DACH1: variants seen among roughly 807,000 people sequenced by gnomAD.
DACH1 encodes dachshund homolog 1.
A neutral mutation model predicts 54.2 loss-of-function variants in DACH1; 12 were observed. That is an observed-to-expected ratio of 0.22 (90% CI 0.14 to 0.36). The LOEUF (loss-of-function observed/expected upper bound fraction) is 0.36, where lower values mean the gene tolerates loss of function less well. DACH1 is among the 10% of genes least tolerant of loss of function. The pLI, the probability that DACH1 is intolerant of heterozygous loss-of-function variation, is 1.00. For synonymous variants in DACH1, 386 were observed against 366.2 expected (o/e 1.05, Z -0.62); for missense variants, 805 against 929.8 (o/e 0.87, Z 1.75).
At chr13:71,809,805 C>G (rs180824651) in intron 1 of DACH1, among the ~76,000 whole-genome samples, 68 of 152,170 alleles carry the variant, frequency 4.5e-4, no homozygotes, top group African/African-American at 1.6e-3. Context: ...ATAATATAAT[C>G]AAAAATTAAC....
chr13:71,774,190 A>G lies in DACH1; in HGVS notation c.848+91732T>C, dbSNP rs1285707646. On this transcript the variant is annotated intron_variant, in intron 1 of 10. Transcript: ENST00000613252. ...AGTCAACTACAAATTGGTATACACA[A>G]CTAGAATGCATACACCTAAAGTTCC... Among the ~76,000 whole-genome samples the G allele has an allele frequency of 3.9e-5, 6 of 152,194 alleles. No individual in the cohort carries two copies. The East Asian group carries it at 1.2e-3, about 29-fold the overall frequency.
chr13:71,690,710 T>A (rs1881435807), intron 1 of DACH1, among the ~76,000 whole-genome samples: 1 of 152,148 alleles, frequency 6.6e-6, no homozygotes, highest in South Asian at 2.1e-4. Context: ...GGCAGGAGGA[T>A]TGCTTGAGCC....
chr13:71,807,584 C>T (rs753586258), intron 1 of DACH1, among the ~76,000 whole-genome samples: 1 of 151,994 alleles, frequency 6.6e-6, no homozygotes, highest in Non-Finnish European at 1.5e-5. Flanking sequence ...TTCCAAAAAA[C>T]AAATTAAGTT....
chr13:71,643,613 T>C (rs1878060338), intron 2 of DACH1, among the ~76,000 whole-genome samples: 1 of 152,176 alleles, frequency 6.6e-6, no homozygotes, highest in Non-Finnish European at 1.5e-5. Flanking sequence ...AGGTTTAATT[T>C]TGTGAAGTAT....
chr13:71,663,925 G>C (rs560847571), intron 2 of DACH1, among the ~76,000 whole-genome samples: 1 of 151,852 alleles, frequency 6.6e-6, no homozygotes, highest in Admixed American at 6.6e-5. Flanking sequence ...ACAGATTTAA[G>C]TGAATCACCT....
At chr13:71,769,001 T>C (rs1274280678) in intron 1 of DACH1, among the ~76,000 whole-genome samples, 3 of 151,870 alleles carry the variant, frequency 2.0e-5, no homozygotes, top group Non-Finnish European at 4.4e-5. Flanking sequence ...TTAGTTTCTA[T>C]GACAACCTGT....
intron 1 of DACH1, among the ~76,000 whole-genome samples, chr13:71,728,349 C>T (rs907490331): frequency 6.6e-6 from 1 of 151,896 alleles, no homozygotes; most frequent in African/African-American, 2.4e-5. Context: ...AAATTAAAAC[C>T]TTAACATCTC....
At chr13:71,791,240 A>G (rs530002959) in intron 1 of DACH1, among the ~76,000 whole-genome samples, 1 of 152,204 alleles carries the variant, frequency 6.6e-6, no homozygotes, top group Admixed American at 6.5e-5. Context: ...AATATAACCC[A>G]TTTGCTCTTT....
At chr13:71,607,372 G>C (rs995309101) in intron 3 of DACH1, among the ~76,000 whole-genome samples, 2 of 151,838 alleles carry the variant, frequency 1.3e-5, no homozygotes, top group African/African-American at 4.8e-5. Context: ...TCTCAATAAA[G>C]ACAGTTAGAT....
At chr13:71,475,060 T>C (rs1268682598) in intron 10 of DACH1, 81 bp downstream of exon 10, 1 of 1,278,516 alleles carries the variant, frequency 7.8e-7, no homozygotes, top group Non-Finnish European at 1.1e-6. Flanking sequence ...GATGGTAGGC[T>C]ACATGCTTGA....
At chr13:71,747,397 G>A (rs905099087) in intron 1 of DACH1, among the ~76,000 whole-genome samples, 1 of 152,108 alleles carries the variant, frequency 6.6e-6, no homozygotes, top group Admixed American at 6.6e-5. Context: ...TGGCCAACAC[G>A]GTGAAGCCCT....
Position 71,440,445 on chromosome 13 carries a change from AT to A in DACH1, c.*209del. On this transcript the variant is annotated 3_prime_UTR_variant, in exon 11 of 11. Coordinates refer to ENST00000613252, the MANE Select transcript of DACH1 (RefSeq NM_080759.6). Reference sequence around the variant, plus strand: ...CTTTGATACTTGTACATTTACAAACATTCTCAGGTCTCTGGTATGAACCACA... The same window carrying A: ...CTTTGATACTTGTACATTTACAAACATCTCAGGTCTCTGGTATGAACCACA... 2.1e-6 allele frequency: 1 copy of A among 486,014 alleles called. No individual in the cohort carries two copies. Among genetic ancestry groups the A allele is most frequent in the Non-Finnish European group, 3.6e-6 (1 of 277,486 alleles). 30.1% of individuals were successfully genotyped at this position (486,014 alleles called of 1,614,324 possible). A position where few individuals can be genotyped will look rare whatever the true frequency, so the allele number is the denominator to read the frequency against.
intron 2 of DACH1, among the ~76,000 whole-genome samples, chr13:71,634,395 C>T (rs976348580): frequency 2.0e-5 from 3 of 152,106 alleles, no homozygotes; most frequent in South Asian, 2.1e-4. Flanking sequence ...CCTGCTCCTC[C>T]GGCTCCCCCT....
intron 1 of DACH1, among the ~76,000 whole-genome samples, chr13:71,849,883 T>C (rs886676971): frequency 6.6e-6 from 1 of 152,256 alleles, no homozygotes; most frequent in African/African-American, 2.4e-5. Context: ...AAATGACTTG[T>C]ATTACTTTGT....
At chr13:71,740,180 A>G (rs1412551571) in intron 1 of DACH1, among the ~76,000 whole-genome samples, 2 of 152,212 alleles carry the variant, frequency 1.3e-5, no homozygotes, top group Non-Finnish European at 2.9e-5. Flanking sequence ...TATTTTCTCA[A>G]GACTGATGAA....
intron 1 of DACH1, among the ~76,000 whole-genome samples, chr13:71,725,669 A>C (rs1430715963): frequency 6.6e-6 from 1 of 152,148 alleles, no homozygotes; most frequent in Non-Finnish European, 1.5e-5. Flanking sequence ...AATTGATAAT[A>C]TCTATTAGAG....
intron 3 of DACH1, among the ~76,000 whole-genome samples, 166 bp downstream of exon 3, chr13:71,630,390 T>C (rs1877000272): frequency 6.6e-6 from 1 of 152,188 alleles, no homozygotes; most frequent in African/African-American, 2.4e-5. Flanking sequence ...TGAACAATTA[T>C]CATTAGTTGT....
chr13:71,840,977 G>A (rs1004134238), intron 1 of DACH1, among the ~76,000 whole-genome samples: 1 of 152,102 alleles, frequency 6.6e-6, no homozygotes, highest in African/African-American at 2.4e-5. Context: ...TGATACAGTT[G>A]TTTTACCAGC....
At chr13:71,828,777 C>T (rs1472257474) in intron 1 of DACH1, among the ~76,000 whole-genome samples, 5 of 151,938 alleles carry the variant, frequency 3.3e-5, no homozygotes, top group Non-Finnish European at 7.4e-5. Flanking sequence ...ACCCACTCTT[C>T]CTCACTTCCA....
Sources: allele counts gnomAD v4.1 joint callset (sites outside exome capture counted in the v4.1 genomes callset), GRCh38; gene constraint gnomAD v4.1.1; transcripts MANE v1.5; gene names NCBI Gene and HGNC (gene_info 2026-07-23, HGNC 2026-07-21).